Variants in DENND2B observed in about 807,000 individuals in gnomAD.
The protein encoded by DENND2B is DENN domain containing 2B.
In DENND2B, 32 loss-of-function variants were observed where a neutral mutation model predicts 116.0. The observed-to-expected ratio is 0.28, with a 90% CI of 0.21 to 0.37. The LOEUF (loss-of-function observed/expected upper bound fraction) is 0.37. Ranked by LOEUF, DENND2B falls within the 10% of genes least tolerant of loss-of-function variation. The pLI is 1.00. For missense variants in DENND2B, 1,276 were observed against 1,477.7 expected (o/e 0.86, Z 2.24); for synonymous variants, 588 against 583.9 (o/e 1.01, Z -0.10).
chr11:8,741,245 A>G (rs2050146566), intron 2 of DENND2B, among the ~76,000 whole-genome samples: 1 of 152,192 alleles, frequency 6.6e-6, no homozygotes, highest in Non-Finnish European at 1.5e-5. Flanking sequence ...CAGAAAGCAC[A>G]TCTAAGAATC....
chr11:8,872,166 G>A (rs549927517), upstream of DENND2B, among the ~76,000 whole-genome samples: 1 of 152,274 alleles, frequency 6.6e-6, no homozygotes, highest in East Asian at 1.9e-4. Flanking sequence ...CTCAGCTGCA[G>A]GGCAAGCATC....
chr11:8,701,933 T>C (rs577519565), intron 14 of DENND2B, among the ~76,000 whole-genome samples: 2 of 152,220 alleles, frequency 1.3e-5, no homozygotes, highest in African/African-American at 4.8e-5. Flanking sequence ...CCGACTTCCC[T>C]GGCACCTCCA....
intron 15 of DENND2B, 37 bp from the exon 16 acceptor site, chr11:8,699,011 A>G (rs2133692189): frequency 1.2e-6 from 2 of 1,612,736 alleles, no homozygotes; most frequent in East Asian, 2.2e-5. Context: ...GGCTCAGGGC[A>G]TGAGTCCCGC....
intron 1 of DENND2B, among the ~76,000 whole-genome samples, chr11:8,773,922 T>A (rs1356452608): frequency 6.6e-6 from 1 of 152,236 alleles, no homozygotes; most frequent in Non-Finnish European, 1.5e-5. Flanking sequence ...TAATGGCTTA[T>A]CACAGTTTCC....
chr11:8,764,660 T>A (rs1323928928), intron 1 of DENND2B, among the ~76,000 whole-genome samples: 1 of 152,040 alleles, frequency 6.6e-6, no homozygotes, highest in Non-Finnish European at 1.5e-5. Flanking sequence ...GCAGCCCCAC[T>A]CTATCTGGAT....
intron 2 of DENND2B, among the ~76,000 whole-genome samples, chr11:8,870,592 A>C (rs2063746902): frequency 1.3e-5 from 2 of 151,434 alleles, no homozygotes; most frequent in Non-Finnish European, 2.9e-5. Context: ...TAGGAGCTCG[A>C]ATGCCGCCAC....
intron 1 of DENND2B, chr11:8,757,176 G>A: frequency 2.2e-6 from 1 of 445,650 alleles, no homozygotes; most frequent in Admixed American, 2.5e-5. Flanking sequence ...CCTTGCTCCA[G>A]TGAGTGTCAA....
intron 1 of DENND2B, among the ~76,000 whole-genome samples, chr11:8,881,782 C>T (rs957599204): frequency 7.2e-5 from 11 of 152,104 alleles, no homozygotes; most frequent in Admixed American, 5.9e-4. Flanking sequence ...CTCAAGTGAC[C>T]GATCCACCCA....
chr11:8,859,043 G>A (rs747650347), intron 2 of DENND2B, among the ~76,000 whole-genome samples: 1 of 152,144 alleles, frequency 6.6e-6, no homozygotes, highest in Non-Finnish European at 1.5e-5. Context: ...GCCCTTGGGC[G>A]CTCCAAAAGC....
chr11:8,754,073 A>C (rs1289969714), intron 1 of DENND2B, among the ~76,000 whole-genome samples: 3 of 151,558 alleles, frequency 2.0e-5, no homozygotes, highest in Non-Finnish European at 4.4e-5. Flanking sequence ...AAAGGACATG[A>C]ATTGTACTAT....
intron 1 of DENND2B, among the ~76,000 whole-genome samples, chr11:8,782,691 C>A (rs2058491961): frequency 6.6e-6 from 1 of 152,036 alleles, no homozygotes; most frequent in Non-Finnish European, 1.5e-5. Flanking sequence ...TCAAGATCAT[C>A]CTGGCTAACA....
At chr11:8,890,235 C>T (rs2064014240) in intron 1 of DENND2B, among the ~76,000 whole-genome samples, 1 of 152,180 alleles carries the variant, frequency 6.6e-6, no homozygotes, top group African/African-American at 2.4e-5. Flanking sequence ...ACCAAAACCC[C>T]ATATGTACGT....
chr11:8,865,127 T>A (rs2063530846), intron 2 of DENND2B, among the ~76,000 whole-genome samples: 1 of 118,706 alleles, frequency 8.4e-6, no homozygotes, highest in Non-Finnish European at 1.9e-5. Flanking sequence ...CTATCATATT[T>A]GCATGGAGAT....
chr11:8,818,675 A>C (rs2061661335), intron 4 of DENND2B, among the ~76,000 whole-genome samples: 1 of 152,168 alleles, frequency 6.6e-6, no homozygotes, highest in African/African-American at 2.4e-5. Context: ...ACCAAAGCTC[A>C]TTCAGCTTAA....
In DENND2B at chr11:8,707,342, G is replaced by A. The variant is rs541801624; in HGVS notation, c.2431-117C>T. 45 of 1,366,084 alleles carry A rather than the reference G, an allele frequency of 3.3e-5. No individual in the cohort carries two copies. The highest frequency in any genetic ancestry group is 1.7e-4 in the Admixed American group (7 of 40,114). 84.6% of individuals were successfully genotyped at this position (1,366,084 alleles called of 1,614,324 possible). On this transcript the variant is annotated intron_variant, in intron 12 of 19. Transcript: ENST00000313726. The surrounding 1 kb of genome is among the most constrained non-coding windows in gnomAD (Gnocchi z 4.8). ...CAGGCTAGCCCAGAAGCTGGGAGAC[G>A]GGAAGGTGGTCTTGCCATGATCTGC...
At chr11:8,718,220 C>A in intron 4 of DENND2B, 1 of 876,808 alleles carries the variant, frequency 1.1e-6, no homozygotes, top group Non-Finnish European at 1.8e-6. Flanking sequence ...AGGACAAAGC[C>A]AGCAACAAGA....
At chr11:8,753,601 A>C (rs1408197046) in intron 1 of DENND2B, among the ~76,000 whole-genome samples, 2 of 152,174 alleles carry the variant, frequency 1.3e-5, no homozygotes, top group Non-Finnish European at 2.9e-5. Flanking sequence ...CAGGACAGCC[A>C]AAACAATCTT....
intron 2 of DENND2B, among the ~76,000 whole-genome samples, chr11:8,740,635 C>T (rs1482668576): frequency 6.6e-6 from 1 of 152,146 alleles, no homozygotes; most frequent in African/African-American, 2.4e-5. Context: ...GTTATGAGTG[C>T]CATGAAGTGA....
Position 8,714,058 on chromosome 11 carries a change from C to T in DENND2B, c.1943-16G>A, listed in dbSNP as rs765168051. On this transcript the variant is annotated splice_polypyrimidine_tract_variant and intron_variant, in intron 7 of 19. Coordinates refer to ENST00000313726, the MANE Select transcript of DENND2B (RefSeq NM_213618.2). ...CTGTTTTCATCTGGAAAAGGAACAG[C>T]AGAGTACATACTTGCTGGACCTCAC... 18 of 1,613,898 alleles carry T rather than the reference C, an allele frequency of 1.1e-5. No individual in the cohort carries two copies. Among genetic ancestry groups the T allele is most frequent in the South Asian group, 5.5e-5 (5 of 91,086 alleles).
Sources: gnomAD v4.1 joint callset for allele counts (sites outside exome capture counted in the v4.1 genomes callset) on GRCh38, gnomAD v4.1.1 for gene constraint, Gnocchi (gnomAD v3.1) non-coding constraint, MANE v1.5 for transcripts, NCBI Gene and HGNC (gene_info 2026-07-23, HGNC 2026-07-21) for gene names.